The following ZNF407 variants were observed in gnomAD, a reference collection of about 807,000 sequenced individuals.
ZNF407 encodes the protein zinc finger protein 407.
Under a neutral mutation model 131.2 loss-of-function variants are expected in ZNF407, and 17 were observed. The ratio of observed to expected loss-of-function variants is 0.13; its 90% CI spans 0.09 to 0.19. The LOEUF (loss-of-function observed/expected upper bound fraction) is 0.19, where lower values mean the gene tolerates loss of function less well. Among genes scored for constraint, ZNF407 ranks in the 10% least tolerant of loss-of-function variants. The pLI, the probability that ZNF407 is intolerant of heterozygous loss-of-function variation, is 1.00. For missense variants in ZNF407, 2,681 were observed against 2,830.6 expected (o/e 0.95, Z 1.20); for synonymous variants, 1,156 against 1,062.0 (o/e 1.09, Z -1.72).
Position 74,740,970 on chromosome 18 carries a change from A to G in ZNF407, c.4803-40458A>G, listed in dbSNP as rs78175390. On this transcript the variant is annotated intron_variant, in intron 3 of 8. Transcript: ENST00000299687. The stretch of plus-strand genomic sequence containing the variant: ...TACCAGTTTTATAGTTGTCTCTGGG[A>G]AAACTTGCCTGGGGAAACTTGGCTG... Among the ~76,000 whole-genome samples the G allele has an allele frequency of 6.1e-3, 932 of 152,286 alleles. 12 individuals are homozygous for G. The highest frequency in any genetic ancestry group is 7.7e-3 in the Non-Finnish European group (527 of 68,032).
rs1483032532 is a variant in ZNF407, at chr18:74,798,291, AT to A, written c.4877+16797del. The stretch of plus-strand genomic sequence containing the variant: ...TGACACAAAATTGTTGATTTTTTTA[AT>A]TTTTTTTCTTTATGAGGAAAACATT... On this transcript the variant is annotated intron_variant, in intron 4 of 8. Transcript: ENST00000299687. Among the ~76,000 whole-genome samples, 3 of 150,042 alleles carry A rather than the reference AT, an allele frequency of 2.0e-5. No individual in the cohort carries two copies. The South Asian group carries it at 6.3e-4, about 32-fold the overall frequency.
intron 8 of ZNF407, among the ~76,000 whole-genome samples, chr18:74,940,581 G>C (rs1475228468): frequency 6.6e-6 from 1 of 152,192 alleles, no homozygotes; most frequent in African/African-American, 2.4e-5. Flanking sequence ...GGAAACCAGT[G>C]AAGGTTGTAG....
intron 1 of ZNF407, among the ~76,000 whole-genome samples, chr18:74,623,536 G>A (rs958032557): frequency 6.6e-6 from 1 of 152,226 alleles, no homozygotes; most frequent in Non-Finnish European, 1.5e-5. Flanking sequence ...CCGCCCTAGC[G>A]TGTGAAATGG....
chr18:74,772,844 A>G (rs1386992217), intron 3 of ZNF407, among the ~76,000 whole-genome samples: 1 of 152,112 alleles, frequency 6.6e-6, no homozygotes, highest in East Asian at 1.9e-4. Flanking sequence ...ACTCAGACAT[A>G]ATGGTTTGAA....
intron 4 of ZNF407, chr18:74,804,412 A>G (rs1450432779): frequency 3.0e-6 from 3 of 1,001,052 alleles, no homozygotes; most frequent in South Asian, 4.5e-5. Context: ...AGTAAGGAAC[A>G]TATTAATTAT....
chr18:74,758,578 G>A (rs1219251058), intron 3 of ZNF407, among the ~76,000 whole-genome samples: 1 of 152,048 alleles, frequency 6.6e-6, no homozygotes, highest in East Asian at 1.9e-4. Flanking sequence ...AATTACAAAG[G>A]AAAAGAGAAA....
At chr18:75,018,572 T>C (rs914027252) in intron 8 of ZNF407, among the ~76,000 whole-genome samples, 7 of 151,728 alleles carry the variant, frequency 4.6e-5, no homozygotes, top group African/African-American at 1.7e-4. Context: ...ACAGCTGAAA[T>C]AAATGATGTA....
At chr18:74,779,109 A>ATATTT (rs397943457) in intron 3 of ZNF407, among the ~76,000 whole-genome samples, 2 of 24,378 alleles carry the variant, frequency 8.2e-5, no homozygotes, top group African/African-American at 2.8e-4. Context: ...ATATATATAT[A>ATATTT]TTTTTTTTTT....
At chr18:74,835,629 G>GTGTGT (rs1555693408) in intron 4 of ZNF407, among the ~76,000 whole-genome samples, 70 of 92,200 alleles carry the variant, frequency 7.6e-4, no homozygotes, top group South Asian at 2.4e-3. Context: ...GACAGAGGGG[G>GTGTGT]GTGTGTGTGT....
At chr18:74,606,667 C>T (rs1041878805) in intron 1 of ZNF407, among the ~76,000 whole-genome samples, 3 of 152,068 alleles carry the variant, frequency 2.0e-5, no homozygotes, top group African/African-American at 2.4e-5. Flanking sequence ...TTTATTATGT[C>T]GGCACACCTG....
At chr18:74,742,855 A>G (rs781634468) in intron 3 of ZNF407, among the ~76,000 whole-genome samples, 7 of 152,136 alleles carry the variant, frequency 4.6e-5, no homozygotes, top group African/African-American at 9.7e-5. Flanking sequence ...CCTTGTGCAT[A>G]GGAGGTCTTG....
At chr18:74,614,677 T>G (rs1278919010) in intron 1 of ZNF407, among the ~76,000 whole-genome samples, 2 of 152,240 alleles carry the variant, frequency 1.3e-5, no homozygotes, top group African/African-American at 4.8e-5. Context: ...TCAGAATCTT[T>G]GACGAGTAAG....
At chr18:74,828,121 G>A (rs1302649839) in intron 4 of ZNF407, among the ~76,000 whole-genome samples, 2 of 152,026 alleles carry the variant, frequency 1.3e-5, no homozygotes, top group Admixed American at 6.6e-5. Context: ...CTTCCTTCGC[G>A]GCCTGTTCAG....
chr18:74,812,585 G>A (rs1427548960), intron 4 of ZNF407, among the ~76,000 whole-genome samples: 1 of 151,894 alleles, frequency 6.6e-6, no homozygotes, highest in Non-Finnish European at 1.5e-5. Flanking sequence ...GTGTGAGCGT[G>A]TGTGTGTGTG....
chr18:74,791,020 T>C (rs1482778799), intron 4 of ZNF407, among the ~76,000 whole-genome samples: 1 of 152,206 alleles, frequency 6.6e-6, no homozygotes, highest in African/African-American at 2.4e-5. Flanking sequence ...TGATCTATTG[T>C]GAGCTTAGAA....
chr18:74,661,379 A>ATT (rs1422835569), intron 3 of ZNF407, among the ~76,000 whole-genome samples: 1 of 147,310 alleles, frequency 6.8e-6, no homozygotes, highest in East Asian at 1.9e-4. Flanking sequence ...TAATAAAATA[A>ATT]TTATATATAT....
chr18:74,984,492 G>A (rs1485809562), intron 8 of ZNF407, among the ~76,000 whole-genome samples: 1 of 152,106 alleles, frequency 6.6e-6, no homozygotes, highest in Non-Finnish European at 1.5e-5. Flanking sequence ...TGTAGTTTAT[G>A]TTTAGAGTTC....
chr18:75,063,430 G>A lies in ZNF407; in HGVS notation c.5709G>A (p.Val1903=), dbSNP rs773683979. 4 of 1,609,186 alleles carry A rather than the reference G, an allele frequency of 2.5e-6. No homozygotes were observed. The Admixed American group carries it at 5.0e-5, about 20-fold the overall frequency. ...TGGCCGGCCAGGTGGCCCGGGTGGTGCATATCACGGAGGATGGCCAGGTCA... is the reference window on the plus strand; with the variant it reads ...TGGCCGGCCAGGTGGCCCGGGTGGTACATATCACGGAGGATGGCCAGGTCA... ...LAMAGQVARV[V]HITEDGQVIA... is the part of the protein sequence containing the mutation. Residue 1903 remains valine, a synonymous_variant, in exon 9 of 9, where the codon GTG becomes GTA. Coordinates refer to ENST00000299687, the MANE Select transcript of ZNF407 (RefSeq NM_017757.3). The surrounding 1 kb of genome is among the most constrained non-coding windows in gnomAD (Gnocchi z 6.6).
Position 74,781,369 on chromosome 18 carries a change from A to G in ZNF407, c.4803-59A>G, listed in dbSNP as rs186236209. 1.5e-5 allele frequency: 18 copies of G among 1,180,040 alleles called. No individual in the cohort carries two copies. The East Asian group carries it at 4.2e-4, about 27-fold the overall frequency. The allele number at this position is 1,180,040 out of a possible 1,614,324, so 73.1% of individuals were successfully genotyped here. ...TATATTATTCTTAAGTTCTCTTTGT[A>G]CAGATTTCTAGTGGAGAGTCAAGTT... On this transcript the variant is annotated intron_variant, in intron 3 of 8. Transcript: ENST00000299687.
Sources: allele counts gnomAD v4.1 joint callset (sites outside exome capture counted in the v4.1 genomes callset), GRCh38; gene constraint gnomAD v4.1.1; non-coding constraint Gnocchi (gnomAD v3.1); transcripts MANE v1.5; gene names NCBI Gene and HGNC (gene_info 2026-07-23, HGNC 2026-07-21).